The following PPARD variants were observed in gnomAD, a reference collection of about 807,000 sequenced individuals.
PPARD encodes the protein peroxisome proliferator-activated receptor delta.
Under a neutral mutation model 39.5 loss-of-function variants are expected in PPARD, and 6 were observed. That is an observed-to-expected ratio of 0.15 (90% CI 0.08 to 0.30). The LOEUF (loss-of-function observed/expected upper bound fraction) is 0.30, where lower values mean the gene tolerates loss of function less well. Among genes scored for constraint, PPARD ranks in the 10% least tolerant of loss-of-function variants. PPARD has a pLI of 1.00. For synonymous variants in PPARD, 210 were observed against 231.3 expected (o/e 0.91, Z 0.83); for missense variants, 397 against 596.8 (o/e 0.67, Z 3.49).
At chr6:35,421,325 GTTTTGTTTTA>G (rs1337909474) in intron 4 of PPARD, among the ~76,000 whole-genome samples, 2 of 144,658 alleles carry the variant, frequency 1.4e-5, no homozygotes, top group Non-Finnish European at 3.0e-5. Flanking sequence ...TTTTTGTTTT[GTTTTGTTTTA>G]TTTTGTTTTG....
intron 2 of PPARD, among the ~76,000 whole-genome samples, chr6:35,393,459 A>G (rs1764134129): frequency 6.6e-6 from 1 of 152,158 alleles, no homozygotes; most frequent in Admixed American, 6.5e-5. Flanking sequence ...CTCTGAATGT[A>G]TTCCCCAAGT....
rs9658170 is a variant in PPARD at position 35,426,727 on chromosome 6, G to A, written c.*648G>A. 0.013 allele frequency: 2,005 copies of A among 153,264 alleles called. 16 individuals carry two copies. The highest frequency in any genetic ancestry group is 0.027 in the Middle Eastern group (8 of 294). The allele number at this position is 153,264 out of a possible 1,614,324, so 9.5% of individuals were successfully genotyped here. ...GTGGGCAGGAGGCCCCAGGCTGAGA[G>A]CCAGATGCCTCCCCAAGACTGTCAT... On this transcript the variant is annotated 3_prime_UTR_variant, in exon 8 of 8. Transcript: ENST00000360694.
intron 2 of PPARD, among the ~76,000 whole-genome samples, chr6:35,395,144 C>T (rs888755433): frequency 5.3e-5 from 8 of 152,110 alleles, no homozygotes; most frequent in South Asian, 2.1e-4. Context: ...CTGCCTTATC[C>T]GAAGGTTAAT....
At chr6:35,359,004 A>T (rs934899314) in intron 2 of PPARD, among the ~76,000 whole-genome samples, 1 of 145,952 alleles carries the variant, frequency 6.9e-6, no homozygotes, top group Non-Finnish European at 1.5e-5. Context: ...GCAGTTCCAC[A>T]TAGAGGGCCG....
chr6:35,376,714 G>A (rs1562187241), intron 2 of PPARD, among the ~76,000 whole-genome samples: 1 of 151,990 alleles, frequency 6.6e-6, no homozygotes, highest in Non-Finnish European at 1.5e-5. Context: ...GGACTAGCTT[G>A]GTGGCTTAAG....
At position 35,412,453 on chromosome 6, in the gene PPARD, T is replaced by C. The variant is rs79938112; in HGVS notation, c.130+1236T>C. ...GAGGAGCAAGCCCACCCCGCAGAAA[T>C]GGGCTCTGGACCCCTGTGACTGCAT... On this transcript the variant is annotated intron_variant, in intron 3 of 7. Coordinates refer to ENST00000360694, the MANE Select transcript of PPARD (RefSeq NM_006238.5). The surrounding 1 kb of genome is among the most constrained non-coding windows in gnomAD (Gnocchi z 4.1). 0.015 allele frequency among the ~76,000 whole-genome samples: 2,281 copies of C among 152,244 alleles called. 58 individuals are homozygous for C. The highest frequency in any genetic ancestry group is 0.051 in the African/African-American group (2,099 of 41,534).
chr6:35,367,402 C>T (rs770654483), intron 2 of PPARD, among the ~76,000 whole-genome samples: 6 of 152,294 alleles, frequency 3.9e-5, no homozygotes, highest in East Asian at 1.9e-4. Context: ...TGGTAACTGG[C>T]ACTGGCCTGC....
chr6:35,377,604 C>G (rs1363670201), intron 2 of PPARD, among the ~76,000 whole-genome samples: 1 of 152,194 alleles, frequency 6.6e-6, no homozygotes, highest in African/African-American at 2.4e-5. Flanking sequence ...TTACTTATCC[C>G]TTCCATAACT....
chr6:35,417,554 G>A (rs934621012), intron 3 of PPARD, among the ~76,000 whole-genome samples: 6 of 151,928 alleles, frequency 3.9e-5, no homozygotes, highest in Admixed American at 6.6e-5. Context: ...GATTACTGGC[G>A]TGAGCCACCA....
At chr6:35,357,597 T>C (rs9368861) in intron 2 of PPARD, among the ~76,000 whole-genome samples, 149,682 of 151,688 alleles carry the variant, frequency 0.99, 73,869 homozygotes, top group South Asian at 1. Flanking sequence ...AGCGCAGTGG[T>C]GTGATCTTGG....
intron 3 of PPARD, 151 bp from the exon 4 acceptor site, chr6:35,419,976 T>C: frequency 1.1e-6 from 1 of 879,916 alleles, no homozygotes; most frequent in Non-Finnish European, 1.7e-6. Context: ...GTACCCCCTG[T>C]TCTAGGTGAA....
intron 2 of PPARD, among the ~76,000 whole-genome samples, chr6:35,389,364 T>C (rs1300082968): frequency 6.6e-6 from 1 of 151,962 alleles, no homozygotes; most frequent in African/African-American, 2.4e-5. Flanking sequence ...CAGGCTGGAG[T>C]GCAATAGCAC....
chr6:35,369,244 CCT>C (rs1762358560), intron 2 of PPARD, among the ~76,000 whole-genome samples: 1 of 152,126 alleles, frequency 6.6e-6, no homozygotes, highest in Non-Finnish European at 1.5e-5. Flanking sequence ...CTTCACACCC[CCT>C]CTTTTTGAAA....
rs1766582397 is a variant in PPARD, at chr6:35,426,414, C to T, written c.*335C>T. 1 of 371,412 alleles carries T rather than the reference C, an allele frequency of 2.7e-6. No homozygotes were observed. The highest frequency in any genetic ancestry group is 4.4e-5 in the Admixed American group (1 of 22,722). The allele number at this position is 371,412 out of a possible 1,614,324, so 23.0% of individuals were successfully genotyped here. A position where few individuals can be genotyped will look rare whatever the true frequency, so the allele number is the denominator to read the frequency against. ...CTCTCCACCCCCCACGTCTGTCCTC[C>T]TTTCTTATTCTGTGAGATGTTTTGT... On this transcript the variant is annotated 3_prime_UTR_variant, in exon 8 of 8. Transcript: ENST00000360694.
intron 3 of PPARD, among the ~76,000 whole-genome samples, chr6:35,419,448 G>T (rs1326840743): frequency 2.0e-5 from 3 of 152,128 alleles, no homozygotes; most frequent in African/African-American, 7.2e-5. Flanking sequence ...TCAACACCCC[G>T]TGGTTCAAAC....
At chr6:35,374,706 T>A (rs984914719) in intron 2 of PPARD, among the ~76,000 whole-genome samples, 5 of 151,052 alleles carry the variant, frequency 3.3e-5, no homozygotes, top group Non-Finnish European at 5.9e-5. Flanking sequence ...TTAATAGTGG[T>A]AGTAAGAATT....
chr6:35,404,829 A>G (rs371511239), intron 2 of PPARD, among the ~76,000 whole-genome samples: 3 of 152,226 alleles, frequency 2.0e-5, no homozygotes, highest in Non-Finnish European at 4.4e-5. Context: ...TCACCTGCCA[A>G]TGGGCAATGG....
intron 2 of PPARD, among the ~76,000 whole-genome samples, chr6:35,398,856 G>A (rs967602908): frequency 1.3e-5 from 2 of 152,224 alleles, no homozygotes; most frequent in African/African-American, 2.4e-5. Flanking sequence ...GCTTATGTCT[G>A]TAATCCCAGC....
chr6:35,353,577 C>A (rs761401688), intron 2 of PPARD, among the ~76,000 whole-genome samples: 6 of 152,144 alleles, frequency 3.9e-5, no homozygotes, highest in Admixed American at 1.3e-4. Context: ...AAAGGTGAAA[C>A]TTCATTTAAC....
Sources: allele counts gnomAD v4.1 joint callset (sites outside exome capture counted in the v4.1 genomes callset), GRCh38; gene constraint gnomAD v4.1.1; non-coding constraint Gnocchi (gnomAD v3.1); transcripts MANE v1.5; gene names NCBI Gene and HGNC (gene_info 2026-07-23, HGNC 2026-07-21).